The following ROBO2 variants were observed in gnomAD, a reference collection of about 807,000 sequenced individuals.
ROBO2 encodes roundabout homolog 2.
ROBO2 carries 53 observed loss-of-function variants against 160.8 expected under a neutral mutation model. That is an observed-to-expected ratio of 0.33 (90% CI 0.26 to 0.41). The LOEUF (loss-of-function observed/expected upper bound fraction) is 0.41. Among genes scored for constraint, ROBO2 ranks in the 10% least tolerant of loss-of-function variants. The probability of loss-of-function intolerance (pLI) is 1.00; values close to 1 mark genes in which losing one functional copy is unlikely to be tolerated. For synonymous variants in ROBO2, 664 were observed against 611.7 expected (o/e 1.09, Z -1.26); for missense variants, 1,577 against 1,722.4 (o/e 0.92, Z 1.49).
At chr3:76,622,018 TCCTTAAGAC>T (rs899908552) in intron 2 of ROBO2, among the ~76,000 whole-genome samples, 5 of 151,674 alleles carry the variant, frequency 3.3e-5, no homozygotes, top group African/African-American at 4.9e-5. Flanking sequence ...TCCCTTAGTC[TCCTTAAGAC>T]CCTATACTGA....
In ROBO2 at chr3:76,985,575, G is replaced by GAAAAAAAA. The variant is rs532632866; in HGVS notation, c.110-112416_110-112409dup. On this transcript the variant is annotated intron_variant, in intron 2 of 26. Transcript: ENST00000487694. ...TGGGCGACAAAGCGAGACTCCGTCT[G>GAAAAAAAA]AAAAAAAAAAAAAAAAAAAAAAAAA... Among the ~76,000 whole-genome samples, 77 of 26,382 alleles carry GAAAAAAAA rather than the reference G, an allele frequency of 2.9e-3. 3 individuals carry two copies. Among genetic ancestry groups the GAAAAAAAA allele is most frequent in the African/African-American group, 5.9e-3 (39 of 6,630 alleles). 17.3% of individuals were successfully genotyped at this position (26,382 alleles called of 152,430 possible).
In ROBO2 at chr3:77,308,477, C is replaced by T. The variant is rs149594576; in HGVS notation, c.389-168937C>T. Among the ~76,000 whole-genome samples, 302 of 152,162 alleles carry T rather than the reference C, an allele frequency of 2.0e-3. 3 individuals are homozygous for T. Among genetic ancestry groups the T allele is most frequent in the African/African-American group, 6.8e-3 (282 of 41,512 alleles). Reference sequence around the variant, plus strand: ...GGGACTCCCAACGTTGTGTCAGTGACGCTGGATATATCCAAATAGACTGAT... The same window carrying T: ...GGGACTCCCAACGTTGTGTCAGTGATGCTGGATATATCCAAATAGACTGAT... On this transcript the variant is annotated intron_variant, in intron 2 of 25. Transcript: ENST00000461745.
chr3:76,314,267 G>T (rs1375511192), intron 2 of ROBO2, among the ~76,000 whole-genome samples: 2 of 152,062 alleles, frequency 1.3e-5, no homozygotes, highest in Non-Finnish European at 2.9e-5. Flanking sequence ...CTACATTGCT[G>T]ACATTTTCTT....
intron 2 of ROBO2, among the ~76,000 whole-genome samples, chr3:76,948,641 T>G (rs1199576752): frequency 2.8e-5 from 4 of 145,450 alleles, no homozygotes; most frequent in African/African-American, 5.0e-5. Context: ...GGCTGGATTT[T>G]GTGACTTCCC....
intron 2 of ROBO2, among the ~76,000 whole-genome samples, chr3:76,170,656 A>G (rs2073006890): frequency 6.6e-6 from 1 of 152,308 alleles, no homozygotes; most frequent in African/African-American, 2.4e-5. Context: ...GTTTATCTGC[A>G]CTTGAAAAAT....
chr3:76,413,196 C>T (rs552870431), intron 2 of ROBO2, among the ~76,000 whole-genome samples: 5 of 152,296 alleles, frequency 3.3e-5, no homozygotes, highest in East Asian at 1.9e-4. Context: ...GCCCTGCCCA[C>T]GAAACCACTT....
At chr3:76,637,720 A>AT (rs2090418357) in intron 2 of ROBO2, among the ~76,000 whole-genome samples, 2 of 152,322 alleles carry the variant, frequency 1.3e-5, no homozygotes, top group South Asian at 4.1e-4. Flanking sequence ...ATATTTGGTT[A>AT]TTATAGAAAC....
At chr3:77,219,055 G>T (rs1356937852) in intron 2 of ROBO2, among the ~76,000 whole-genome samples, 1 of 152,134 alleles carries the variant, frequency 6.6e-6, no homozygotes, top group East Asian at 1.9e-4. Context: ...TGCAACCTTT[G>T]CCTTCTGGGT....
chr3:77,067,614 G>A (rs866509227), intron 1 of ROBO2, among the ~76,000 whole-genome samples: 9 of 152,112 alleles, frequency 5.9e-5, no homozygotes, highest in African/African-American at 1.9e-4. Context: ...AGCTAACACC[G>A]TGCTTGATAT....
chr3:76,852,958 G>A (rs1339735406), intron 2 of ROBO2, among the ~76,000 whole-genome samples: 1 of 152,070 alleles, frequency 6.6e-6, no homozygotes, highest in African/African-American at 2.4e-5. Context: ...TAGTTATTAA[G>A]GGATTGTGTA....
intron 8 of ROBO2, among the ~76,000 whole-genome samples, chr3:77,552,485 T>C (rs1582896635): frequency 2.0e-5 from 3 of 152,134 alleles, no homozygotes; most frequent in African/African-American, 7.2e-5. Flanking sequence ...ATACAATTAA[T>C]GGAAAACCTT....
Position 77,580,774 on chromosome 3 carries a change from A to T in ROBO2, c.2500+656A>T, listed in dbSNP as rs376780657. 6.6e-4 allele frequency among the ~76,000 whole-genome samples: 100 copies of T among 152,268 alleles called. 4 individuals carry two copies. In the South Asian group the frequency reaches 0.021, roughly 32 times the overall value. On this transcript the variant is annotated intron_variant, in intron 16 of 25. Transcript: ENST00000461745. ...CTGCTGAGCAGTATTCAATTGTATGAATATGCCATATTTTGTTTATCTGCT... is the reference window on the plus strand; with the variant it reads ...CTGCTGAGCAGTATTCAATTGTATGTATATGCCATATTTTGTTTATCTGCT...
At chr3:77,048,033 TGA>T (rs1338872116) in intron 1 of ROBO2, among the ~76,000 whole-genome samples, 1 of 151,842 alleles carries the variant, frequency 6.6e-6, no homozygotes, top group Non-Finnish European at 1.5e-5. Flanking sequence ...GGCGACAGAG[TGA>T]GACTCCGTCT....
At chr3:75,953,169 T>C (rs955874981) in intron 2 of ROBO2, among the ~76,000 whole-genome samples, 2 of 151,934 alleles carry the variant, frequency 1.3e-5, no homozygotes, top group African/African-American at 4.8e-5. Flanking sequence ...AAGAGTATGT[T>C]TAGTTTTGTA....
intron 2 of ROBO2, among the ~76,000 whole-genome samples, chr3:76,622,062 G>GATC (rs2089132388): frequency 1.5e-5 from 2 of 137,308 alleles, no homozygotes; most frequent in Admixed American, 1.6e-4. Flanking sequence ...TTGTGAATAA[G>GATC]ATCTATTCTT....
intron 2 of ROBO2, among the ~76,000 whole-genome samples, chr3:76,371,892 A>G (rs34808145): frequency 0.13 from 20,149 of 151,858 alleles, 1,665 homozygotes; most frequent in African/African-American, 0.23. Flanking sequence ...ACTAAAGAAT[A>G]AAGCAATAAA....
intron 2 of ROBO2, among the ~76,000 whole-genome samples, chr3:75,971,638 T>C (rs917629767): frequency 1.3e-5 from 2 of 151,532 alleles, no homozygotes; most frequent in African/African-American, 4.8e-5. Context: ...AAATTAGCTA[T>C]TTTTTGAAGT....
intron 2 of ROBO2, among the ~76,000 whole-genome samples, chr3:76,348,787 AACCACAAATCT>A (rs1271557265): frequency 2.0e-5 from 3 of 152,158 alleles, no homozygotes; most frequent in Non-Finnish European, 4.4e-5. Flanking sequence ...AAGGCCGTCT[AACCACAAATCT>A]AAATTGCCCT....
chr3:76,028,329 G>A (rs192632105), intron 2 of ROBO2, among the ~76,000 whole-genome samples: 1 of 152,014 alleles, frequency 6.6e-6, no homozygotes, highest in East Asian at 1.9e-4. Context: ...TATCTATGGA[G>A]GGGTTAGGCC....
Sources: allele counts gnomAD v4.1 joint callset (sites outside exome capture counted in the v4.1 genomes callset), GRCh38; gene constraint gnomAD v4.1.1; transcripts MANE v1.5; gene names NCBI Gene and HGNC (gene_info 2026-07-23, HGNC 2026-07-21).